The following ARHGEF9 variants were observed in gnomAD, a reference collection of about 807,000 sequenced individuals.
ARHGEF9 encodes the protein rho guanine nucleotide exchange factor 9.
In ARHGEF9, 2 loss-of-function variants were observed where a neutral mutation model predicts 41.3. The observed-to-expected ratio is 0.05, with a 90% CI of 0.02 to 0.15. The LOEUF is 0.15. Among genes scored for constraint, ARHGEF9 ranks in the 10% least tolerant of loss-of-function variants. The pLI is 1.00. For missense variants in ARHGEF9, 225 were observed against 424.7 expected (o/e 0.53, Z 4.13); for synonymous variants, 160 against 154.4 (o/e 1.04, Z -0.27).
chrX:63,767,922 C>T (rs1418572512), intron 1 of ARHGEF9, among the ~76,000 whole-genome samples: 1 of 111,779 alleles, frequency 8.9e-6, no homozygotes, highest in African/African-American at 3.3e-5. Context: ...CCTTAGTTTC[C>T]CCACCTTTAA....
intron 1 of ARHGEF9, among the ~76,000 whole-genome samples, chrX:63,782,891 T>C (rs1249397638): frequency 8.9e-6 from 1 of 112,888 alleles, no homozygotes; most frequent in Non-Finnish European, 1.9e-5. Context: ...AGGATTTCTG[T>C]TAGTGGCAAG....
rs200721396 is a variant in ARHGEF9, at chrX:63,637,918, CTG to C, written c.*108_*109del. 2,026 of 504,908 alleles carry C rather than the reference CTG, an allele frequency of 4.0e-3. No individual in the cohort carries two copies. Among genetic ancestry groups the C allele is most frequent in the Middle Eastern group, 7.0e-3 (11 of 1,563 alleles). 41.6% of individuals were successfully genotyped at this position (504,908 alleles called of 1,213,427 possible). ...TGTGTGTATGTGTACTCAAGGGTCT[CTG>C]TGTGTGTGTGTGTGTATAAATTTCA... On this transcript the variant is annotated 3_prime_UTR_variant, in exon 10 of 10. Transcript: ENST00000671741.
At chrX:63,774,868 A>T (rs782281864) in intron 1 of ARHGEF9, among the ~76,000 whole-genome samples, 1 of 112,350 alleles carries the variant, frequency 8.9e-6, no homozygotes, top group South Asian at 3.7e-4. Context: ...AAAGAAACAG[A>T]GTAAACAGAC....
chrX:63,753,620 C>A (rs2055790582), intron 1 of ARHGEF9, among the ~76,000 whole-genome samples: 1 of 109,398 alleles, frequency 9.1e-6, no homozygotes, highest in Non-Finnish European at 1.9e-5. Flanking sequence ...AAAGGGAGCC[C>A]AAATAGCTCC....
chrX:63,662,680 C>T (rs1375845521), intron 7 of ARHGEF9, among the ~76,000 whole-genome samples: 1 of 111,763 alleles, frequency 8.9e-6, no homozygotes, highest in Non-Finnish European at 1.9e-5. Flanking sequence ...CTTTACATAT[C>T]CTTAACATGG....
intron 4 of ARHGEF9, among the ~76,000 whole-genome samples, chrX:63,687,858 C>G (rs1329013797): frequency 1.8e-5 from 2 of 109,686 alleles, no homozygotes; most frequent in African/African-American, 6.6e-5. Flanking sequence ...CCAACAAGAT[C>G]TAGGGGATAG....
intron 6 of ARHGEF9, among the ~76,000 whole-genome samples, chrX:63,667,281 G>T (rs2049640983): frequency 9.0e-6 from 1 of 111,723 alleles, no homozygotes; most frequent in Admixed American, 9.5e-5. Flanking sequence ...AGCCAAAGTT[G>T]CCCAACTAGT....
chrX:63,726,358 G>A (rs781793153), intron 1 of ARHGEF9, among the ~76,000 whole-genome samples: 78 of 111,181 alleles, frequency 7.0e-4, no homozygotes, highest in African/African-American at 2.5e-3. Context: ...TTATTTTTTG[G>A]GACGGAATCT....
intron 1 of ARHGEF9, among the ~76,000 whole-genome samples, chrX:63,753,827 G>T (rs1477740147): frequency 8.9e-6 from 1 of 111,868 alleles, no homozygotes; most frequent in Non-Finnish European, 1.9e-5. Context: ...GTCACCAACT[G>T]CCAGCACAAC....
chrX:63,665,804 G>T, intron 7 of ARHGEF9, 82 bp downstream of exon 7: 1 of 1,132,371 alleles, frequency 8.8e-7, no homozygotes, highest in Non-Finnish European at 1.2e-6. Flanking sequence ...CCACTTTGTT[G>T]GGAGCCTGGG....
intron 1 of ARHGEF9, among the ~76,000 whole-genome samples, chrX:63,773,583 A>C (rs1279873323): frequency 2.7e-5 from 3 of 112,386 alleles, no homozygotes; most frequent in Non-Finnish European, 5.6e-5. Flanking sequence ...GCTATGTGAT[A>C]GTTAATTTTA....
rs1373085595 is a variant in ARHGEF9 at position 63,636,401 on chromosome X, C to T, written c.*1627G>A. On this transcript the variant is annotated 3_prime_UTR_variant, in exon 10 of 10. Transcript: ENST00000671741. ...ACTCCAACATCCATAGGAAGCCTGC[C>T]TCCTTGTGAAAGAAGTTAGATTTTC... The T allele has an allele frequency of 8.9e-6, 1 of 112,351 alleles. No individual in the cohort carries two copies. Among genetic ancestry groups the T allele is most frequent in the African/African-American group, 3.3e-5 (1 of 30,697 alleles). 9.3% of individuals were successfully genotyped at this position (112,351 alleles called of 1,213,427 possible).
chrX:63,635,749 T>C lies in ARHGEF9; in HGVS notation c.*2279A>G. 5.1e-6 allele frequency: 1 copy of C among 195,493 alleles called. No homozygotes were observed. Among genetic ancestry groups the C allele is most frequent in the Non-Finnish European group, 9.1e-6 (1 of 109,677 alleles). The allele number at this position is 195,493 out of a possible 1,213,427, so 16.1% of individuals were successfully genotyped here. On this transcript the variant is annotated 3_prime_UTR_variant, in exon 10 of 10. Transcript: ENST00000671741. ...AGTCAAGAAATGTAGGCCCAGAAAC[T>C]TGTCCAAGCATCCCCTCCCGGTGTG...
intron 2 of ARHGEF9, among the ~76,000 whole-genome samples, chrX:63,707,628 A>G (rs1396603941): frequency 9.0e-6 from 1 of 110,967 alleles, no homozygotes; most frequent in Non-Finnish European, 1.9e-5. Context: ...CATATTTTCC[A>G]TATTTTCCCT....
intron 8 of ARHGEF9, among the ~76,000 whole-genome samples, chrX:63,649,696 G>A (rs1163481085): frequency 9.0e-6 from 1 of 111,346 alleles, no homozygotes; most frequent in Non-Finnish European, 1.9e-5. Context: ...CCACTAGCAA[G>A]ACTAATAAAG....
intron 4 of ARHGEF9, among the ~76,000 whole-genome samples, chrX:63,692,070 G>C (rs1418702910): frequency 9.0e-6 from 1 of 111,644 alleles, no homozygotes; most frequent in Non-Finnish European, 1.9e-5. Flanking sequence ...ATAGATGAAC[G>C]ACTTAAACGT....
chrX:63,671,275 T>G (rs1381879940), intron 6 of ARHGEF9: 1 of 111,619 alleles, frequency 9.0e-6, no homozygotes, highest in East Asian at 2.8e-4. Flanking sequence ...GCAGGTGGAA[T>G]GCACAAAGAA....
chrX:63,685,468 A>G (rs1556374499), intron 4 of ARHGEF9, among the ~76,000 whole-genome samples: 3 of 111,854 alleles, frequency 2.7e-5, no homozygotes, highest in African/African-American at 9.7e-5. Flanking sequence ...TGGCAAGATT[A>G]TTCTTAAATT....
intron 1 of ARHGEF9, among the ~76,000 whole-genome samples, chrX:63,732,965 C>T (rs1249594183): frequency 8.9e-6 from 1 of 111,935 alleles, no homozygotes; most frequent in East Asian, 2.8e-4. Flanking sequence ...CTCCAGGCTG[C>T]ATCCTCTCTC....
Sources: allele counts gnomAD v4.1 joint callset (sites outside exome capture counted in the v4.1 genomes callset), GRCh38; gene constraint gnomAD v4.1.1; transcripts MANE v1.5; gene names NCBI Gene and HGNC (gene_info 2026-07-23, HGNC 2026-07-21).